FOXP1: variants seen among roughly 807,000 people sequenced by gnomAD.
The protein encoded by FOXP1 is forkhead box protein P1.
In FOXP1, 15 loss-of-function variants were observed where a neutral mutation model predicts 98.2. The ratio of observed to expected loss-of-function variants is 0.15; its 90% CI spans 0.10 to 0.24. The LOEUF is 0.24. FOXP1 is among the 10% of genes least tolerant of loss of function. FOXP1 has a pLI of 1.00. For synonymous variants in FOXP1, 371 were observed against 314.5 expected (o/e 1.18, Z -1.90); for missense variants, 633 against 848.5 (o/e 0.75, Z 3.15).
At chr3:71,307,608 A>C (rs2074370208) in intron 4 of FOXP1, among the ~76,000 whole-genome samples, 1 of 152,208 alleles carries the variant, frequency 6.6e-6, no homozygotes, top group Non-Finnish European at 1.5e-5. Context: ...GTCCATAGAC[A>C]ATAGTGATCT....
chr3:71,551,636 G>A (rs1322913880), intron 2 of FOXP1, among the ~76,000 whole-genome samples: 3 of 152,136 alleles, frequency 2.0e-5, no homozygotes, highest in Non-Finnish European at 2.9e-5. Context: ...TTGTTTAAAT[G>A]GAACTTTGCA....
At position 71,434,633 on chromosome 3, in the gene FOXP1, TGTGTGTGTG is replaced by T. The variant is rs1444867123; in HGVS notation, c.-168+58784_-168+58792del. Among the ~76,000 whole-genome samples, 9 of 140,766 alleles carry T rather than the reference TGTGTGTGTG, an allele frequency of 6.4e-5. 1 individual carries two copies. The highest frequency in any genetic ancestry group is 2.4e-4 in the African/African-American group (9 of 36,998). 92.3% of individuals were successfully genotyped at this position (140,766 alleles called of 152,430 possible). On this transcript the variant is annotated intron_variant, in intron 3 of 20. Transcript: ENST00000649528. ...CGGTGACCCTCATGAGGGGATGGGG[TGTGTGTGTG>T]TGTGTGTGTGTGTGTGTGTGTGTAA...
At chr3:71,022,199 ACTACT>A (rs1251733632) in intron 11 of FOXP1, among the ~76,000 whole-genome samples, 2 of 152,192 alleles carry the variant, frequency 1.3e-5, no homozygotes, top group Non-Finnish European at 2.9e-5. Flanking sequence ...TGATAAAAAC[ACTACT>A]CTATCCCCAA....
chr3:71,128,245 T>C (rs558515898), intron 6 of FOXP1, among the ~76,000 whole-genome samples: 12 of 151,412 alleles, frequency 7.9e-5, no homozygotes, highest in African/African-American at 2.7e-4. Context: ...TGCGCACATA[T>C]ATCAGTGAAT....
At chr3:71,324,965 A>T (rs1305008934) in intron 4 of FOXP1, among the ~76,000 whole-genome samples, 1 of 152,078 alleles carries the variant, frequency 6.6e-6, no homozygotes, top group Non-Finnish European at 1.5e-5. Flanking sequence ...GCTCCCACCC[A>T]GCTGCCATTT....
intron 2 of FOXP1, among the ~76,000 whole-genome samples, chr3:71,539,960 A>G (rs1311649711): frequency 6.6e-6 from 1 of 152,236 alleles, no homozygotes; most frequent in Non-Finnish European, 1.5e-5. Context: ...CACCTAGCAC[A>G]TAGTAGACAT....
At chr3:71,021,006 T>TC (rs2045350163) in intron 11 of FOXP1, among the ~76,000 whole-genome samples, 1 of 152,232 alleles carries the variant, frequency 6.6e-6, no homozygotes, top group Non-Finnish European at 1.5e-5. Flanking sequence ...TTGGTTGTTC[T>TC]CCACTCACTC....
At chr3:71,174,462 C>A (rs370868062) in intron 6 of FOXP1, among the ~76,000 whole-genome samples, 4 of 152,190 alleles carry the variant, frequency 2.6e-5, no homozygotes, top group African/African-American at 7.2e-5. Flanking sequence ...AAAACACAGA[C>A]ATACATGTAC....
chr3:71,523,108 A>G (rs554726735), intron 2 of FOXP1, among the ~76,000 whole-genome samples: 27 of 152,296 alleles, frequency 1.8e-4, no homozygotes, highest in Admixed American at 2.0e-4. Context: ...TGGGACATAG[A>G]CAAACACATA....
chr3:71,268,091 T>C (rs112776356), intron 5 of FOXP1, among the ~76,000 whole-genome samples: 2,316 of 99,132 alleles, frequency 0.023, 127 homozygotes, highest in African/African-American at 0.09. Flanking sequence ...TTTTCTTTTC[T>C]TTTTTTTTTT....
At chr3:71,381,177 G>A (rs917890402) in intron 3 of FOXP1, among the ~76,000 whole-genome samples, 1 of 148,334 alleles carries the variant, frequency 6.7e-6, no homozygotes, top group Non-Finnish European at 1.5e-5. Flanking sequence ...TTGAGATGGA[G>A]TCTTGCTCTG....
chr3:70,979,752 G>T lies in FOXP1; in HGVS notation c.1147-1723C>A, dbSNP rs557407217. 1.9e-3 allele frequency among the ~76,000 whole-genome samples: 282 copies of T among 146,090 alleles called. 1 individual carries two copies. The highest frequency in any genetic ancestry group is 3.4e-3 in the Non-Finnish European group (230 of 67,002). ...AAAGAGAGTTCCAATATGTTGGGAA[G>T]ACTCGACCTTTACTCACACTCTAGT... On this transcript the variant is annotated intron_variant, in intron 14 of 20. Transcript: ENST00000649528.
At chr3:71,385,502 C>T (rs536181128) in intron 3 of FOXP1, among the ~76,000 whole-genome samples, 4 of 152,262 alleles carry the variant, frequency 2.6e-5, no homozygotes, top group Admixed American at 6.5e-5. Context: ...GAGAGACTGA[C>T]GCCTACCCCA....
intron 5 of FOXP1, among the ~76,000 whole-genome samples, chr3:71,239,708 A>G (rs2067091177): frequency 6.6e-6 from 1 of 152,184 alleles, no homozygotes; most frequent in Admixed American, 6.5e-5. Flanking sequence ...TAAAAGCAGG[A>G]AAAAGAATAA....
At chr3:71,165,393 G>A (rs1322090149) in intron 6 of FOXP1, among the ~76,000 whole-genome samples, 1 of 152,026 alleles carries the variant, frequency 6.6e-6, no homozygotes, top group Non-Finnish European at 1.5e-5. Flanking sequence ...GACCAATTCT[G>A]CCAAAAGGCA....
chr3:70,968,976 G>A (rs1406604283), intron 19 of FOXP1: 2 of 152,220 alleles, frequency 1.3e-5, no homozygotes, highest in African/African-American at 2.4e-5. Context: ...AAGTGTTCTT[G>A]GAAAACGGCA....
intron 5 of FOXP1, among the ~76,000 whole-genome samples, chr3:71,241,838 C>A (rs2067308403): frequency 6.6e-6 from 1 of 152,118 alleles, no homozygotes; most frequent in African/African-American, 2.4e-5. Context: ...AAAACAAATA[C>A]CCAATTTTGT....
At chr3:71,293,567 T>C (rs144572045) in intron 5 of FOXP1, among the ~76,000 whole-genome samples, 2 of 152,326 alleles carry the variant, frequency 1.3e-5, no homozygotes, top group East Asian at 1.9e-4. Context: ...TATTTGATAA[T>C]TGCTGCAAAT....
chr3:71,335,739 T>C (rs2076622887), intron 4 of FOXP1, among the ~76,000 whole-genome samples: 1 of 152,038 alleles, frequency 6.6e-6, no homozygotes. Flanking sequence ...GCGTGGTGGC[T>C]CACGCTTATA....
Sources: allele counts gnomAD v4.1 joint callset (sites outside exome capture counted in the v4.1 genomes callset), GRCh38; gene constraint gnomAD v4.1.1; transcripts MANE v1.5; gene names NCBI Gene and HGNC (gene_info 2026-07-23, HGNC 2026-07-21).